Variants in ADAP1 observed in about 807,000 individuals in gnomAD.
ADAP1 encodes ArfGAP with dual PH domains 1, also known as arf-GAP with dual PH domain-containing protein 1.
A neutral mutation model predicts 54.9 loss-of-function variants in ADAP1; 31 were observed. That is an observed-to-expected ratio of 0.56 (90% CI 0.42 to 0.76). The LOEUF is 0.76. ADAP1 is among the 30% of genes least tolerant of loss of function. The pLI is 0.00. For missense variants in ADAP1, 535 were observed against 512.4 expected (o/e 1.04, Z -0.42); for synonymous variants, 313 against 202.6 (o/e 1.55, Z -4.63).
intron 4 of ADAP1, among the ~76,000 whole-genome samples, chr7:906,770 G>GGGC (rs1554272475): frequency 3.5e-5 from 1 of 28,768 alleles, no homozygotes; most frequent in African/African-American, 1.1e-4. Flanking sequence ...AGGGGACATG[G>GGGC]GGGACAGGGG....
At chr7:899,304 C>T (rs1263361917) in intron 9 of ADAP1, 43 bp from the exon 10 acceptor site, 2 of 1,608,606 alleles carry the variant, frequency 1.2e-6, no homozygotes, top group South Asian at 1.1e-5. Flanking sequence ...ATGTCCCTTC[C>T]AGCCCCGCTT....
In ADAP1 at chr7:920,296, G is replaced by A. The variant is rs77987340; in HGVS notation, c.306-246C>T. Among the ~76,000 whole-genome samples, 161 of 152,188 alleles carry A rather than the reference G, an allele frequency of 1.1e-3. 3 individuals carry two copies. In the East Asian group the frequency reaches 0.026, roughly 24 times the overall value. Reference sequence around the variant, plus strand: ...CGGCCCCCGGAGCATCAGGCCTCACGTTCTGCACAAGCGTTCCCGGTGGAC... The same window carrying A: ...CGGCCCCCGGAGCATCAGGCCTCACATTCTGCACAAGCGTTCCCGGTGGAC... On this transcript the variant is annotated intron_variant, in intron 3 of 10. Coordinates refer to ENST00000265846, the MANE Select transcript of ADAP1 (RefSeq NM_006869.4). The surrounding 1 kb of genome is among the most constrained non-coding windows in gnomAD (Gnocchi z 4.5).
rs1050251758 is a variant in ADAP1 at position 938,677 on chromosome 7, T to C, written c.83-3172A>G. ...CGCCAGTCTCCGGGCCTCGGTCTCC[T>C]CATCTGTCGGATGGGACAGCACGAG... On this transcript the variant is annotated intron_variant, in intron 1 of 10. Transcript: ENST00000265846. The surrounding 1 kb of genome is among the most constrained non-coding windows in gnomAD (Gnocchi z 4.4). Among the ~76,000 whole-genome samples the C allele has an allele frequency of 6.6e-6, 1 of 152,152 alleles. No individual in the cohort carries two copies. The highest frequency in any genetic ancestry group is 2.4e-5 in the African/African-American group (1 of 41,438).
chr7:903,385 C>T (rs951812138), intron 6 of ADAP1, among the ~76,000 whole-genome samples: 23 of 152,006 alleles, frequency 1.5e-4, no homozygotes, highest in African/African-American at 3.9e-4. Context: ...AAATCTGCAG[C>T]GACACCGGCA....
intron 4 of ADAP1, among the ~76,000 whole-genome samples, chr7:905,907 A>AG: frequency 3.4e-5 from 1 of 29,730 alleles, no homozygotes; most frequent in Non-Finnish European, 7.2e-5. Context: ...AGAAAGGAGA[A>AG]AGGGAAAGGA....
intron 4 of ADAP1, among the ~76,000 whole-genome samples, chr7:918,878 G>A (rs1488207148): frequency 6.8e-6 from 1 of 147,652 alleles, no homozygotes; most frequent in African/African-American, 2.5e-5. Flanking sequence ...CCAACTCAAA[G>A]CCCCAGGGTT....
chr7:930,640 A>G (rs926993520), intron 2 of ADAP1, among the ~76,000 whole-genome samples: 3 of 151,904 alleles, frequency 2.0e-5, no homozygotes, highest in South Asian at 2.1e-4. Flanking sequence ...CCAACATGGC[A>G]AAACCCCGTC....
At chr7:914,512 G>A (rs1349242623) in intron 4 of ADAP1, among the ~76,000 whole-genome samples, 1 of 152,170 alleles carries the variant, frequency 6.6e-6, no homozygotes, top group African/African-American at 2.4e-5. Context: ...CCCCAGACAG[G>A]AGGACACGTC....
At position 938,474 on chromosome 7, in the gene ADAP1, G is replaced by A. The variant is rs1846845621; in HGVS notation, c.83-2969C>T. ...TGGGATTACAGATGTGTGACGCCGTGTCTGGCCTGCAAAGTATTTAGTTAC... is the reference window on the plus strand; with the variant it reads ...TGGGATTACAGATGTGTGACGCCGTATCTGGCCTGCAAAGTATTTAGTTAC... On this transcript the variant is annotated intron_variant, in intron 1 of 10. Transcript: ENST00000265846. The surrounding 1 kb of genome is among the most constrained non-coding windows in gnomAD (Gnocchi z 4.4). Among the ~76,000 whole-genome samples, 1 of 152,198 alleles carries A rather than the reference G, an allele frequency of 6.6e-6. No homozygotes were observed. The highest frequency in any genetic ancestry group is 6.5e-5 in the Admixed American group (1 of 15,276).
intron 6 of ADAP1, among the ~76,000 whole-genome samples, chr7:901,950 A>G (rs1844839349): frequency 6.6e-6 from 1 of 152,050 alleles, no homozygotes; most frequent in African/African-American, 2.4e-5. Context: ...TTCCCCCAGC[A>G]GGAGATGGAG....
At position 913,496 on chromosome 7, in the gene ADAP1, C is replaced by T. The variant is rs139303614; in HGVS notation, c.388+6472G>A. ...GATTACAGGCGTGAGGCACCGCGCCCGGTCCTCCCCTTTCTCTTTACTTGT... is the reference window on the plus strand; with the variant it reads ...GATTACAGGCGTGAGGCACCGCGCCTGGTCCTCCCCTTTCTCTTTACTTGT... On this transcript the variant is annotated intron_variant, in intron 4 of 10. Transcript: ENST00000265846. Among the ~76,000 whole-genome samples, 293 of 152,238 alleles carry T rather than the reference C, an allele frequency of 1.9e-3. 4 individuals are homozygous for T. Among genetic ancestry groups the T allele is most frequent in the African/African-American group, 6.5e-3 (270 of 41,560 alleles).
chr7:913,289 C>T (rs1475632536), intron 4 of ADAP1, among the ~76,000 whole-genome samples: 1 of 150,534 alleles, frequency 6.6e-6, no homozygotes, highest in Non-Finnish European at 1.5e-5. Flanking sequence ...CAAGCTCCAC[C>T]TCCTGGGTTC....
At chr7:914,001 T>C in intron 4 of ADAP1, among the ~76,000 whole-genome samples, 1 of 152,192 alleles carries the variant, frequency 6.6e-6, no homozygotes, top group Non-Finnish European at 1.5e-5. Flanking sequence ...AACAGAGGGA[T>C]GGAGTGGGGC....
At chr7:913,706 G>A (rs1027661638) in intron 4 of ADAP1, among the ~76,000 whole-genome samples, 1 of 152,010 alleles carries the variant, frequency 6.6e-6, no homozygotes, top group African/African-American at 2.4e-5. Context: ...AGGCCGAGGC[G>A]GGCGGGTCAC....
At chr7:910,872 G>C (rs1463767992) in intron 4 of ADAP1, among the ~76,000 whole-genome samples, 2 of 152,132 alleles carry the variant, frequency 1.3e-5, no homozygotes, top group East Asian at 3.9e-4. Flanking sequence ...CCTGGCTTCC[G>C]GCCTTTGGGT....
intron 4 of ADAP1, among the ~76,000 whole-genome samples, chr7:908,199 G>A (rs1039778583): frequency 6.6e-6 from 1 of 152,190 alleles, no homozygotes; most frequent in African/African-American, 2.4e-5. Context: ...GCAGCCAACA[G>A]GCCAGACAGA....
In ADAP1 at chr7:954,548, C is replaced by G. The variant is rs957328891; in HGVS notation, c.-71G>C. On this transcript the variant is annotated 5_prime_UTR_variant, in exon 1 of 11. Transcript: ENST00000265846. ...GCGTCAGCCCGGCTCGCTAGGGCCCCGCGCAGGCCGCCCGCCGCCGCCGCC... is the reference window on the plus strand; with the variant it reads ...GCGTCAGCCCGGCTCGCTAGGGCCCGGCGCAGGCCGCCCGCCGCCGCCGCC... 3.0e-6 allele frequency: 3 copies of G among 992,078 alleles called. No individual in the cohort carries two copies. Among genetic ancestry groups the G allele is most frequent in the Non-Finnish European group, 2.4e-6 (2 of 835,658 alleles). 61.5% of individuals were successfully genotyped at this position (992,078 alleles called of 1,614,324 possible).
intron 3 of ADAP1, among the ~76,000 whole-genome samples, chr7:922,022 G>A (rs773618746): frequency 5.9e-5 from 9 of 152,208 alleles, no homozygotes; most frequent in Non-Finnish European, 1.0e-4. Flanking sequence ...GGAAGCCTGG[G>A]AGTGAGCACC....
intron 3 of ADAP1, among the ~76,000 whole-genome samples, chr7:922,649 C>T (rs1022449215): frequency 1.3e-5 from 2 of 152,014 alleles, no homozygotes; most frequent in African/African-American, 4.8e-5. Flanking sequence ...GCATGGAGTT[C>T]AGGACACCAT....
Sources: allele counts gnomAD v4.1 joint callset (sites outside exome capture counted in the v4.1 genomes callset), GRCh38; gene constraint gnomAD v4.1.1; non-coding constraint Gnocchi (gnomAD v3.1); transcripts MANE v1.5; gene names NCBI Gene and HGNC (gene_info 2026-07-23, HGNC 2026-07-21).